Variants in OR51B5 observed in about 807,000 individuals in gnomAD.
OR51B5 encodes the protein olfactory receptor family 51 subfamily B member 5, also known as olfactory receptor 51B5.
For missense variants in OR51B5, 456 were observed against 374.6 expected, an observed-to-expected ratio of 1.22 and a Z score of -1.79; for synonymous variants, 186 against 144.8, an observed-to-expected ratio of 1.28 and a Z score of -2.04.
chr11:5,347,186 G>A (rs937705648), upstream of OR51B5, among the ~76,000 whole-genome samples: 1 of 152,052 alleles, frequency 6.6e-6, no homozygotes, highest in African/African-American at 2.4e-5. Flanking sequence ...ATCACCTCTG[G>A]GAGGTAATTT....
intron 1 of OR51B5, among the ~76,000 whole-genome samples, chr11:5,406,307 T>A (rs906524807): frequency 2.0e-5 from 3 of 152,202 alleles, no homozygotes; most frequent in African/African-American, 7.2e-5. Context: ...CTAGAATGGA[T>A]TTCTTTATAT....
chr11:5,494,626 C>T (rs750590932), intron 1 of OR51B5, among the ~76,000 whole-genome samples: 54 of 152,286 alleles, frequency 3.5e-4, no homozygotes, highest in Non-Finnish European at 7.1e-4. Context: ...TGGAGTGAAA[C>T]AAGCCTGGTT....
chr11:5,457,088 C>T (rs1042500202), intron 1 of OR51B5, among the ~76,000 whole-genome samples: 1 of 152,176 alleles, frequency 6.6e-6, no homozygotes, highest in African/African-American at 2.4e-5. Flanking sequence ...TGAATTAATA[C>T]AGCATAGTAC....
At chr11:5,464,924 T>C (rs1376024792) in intron 1 of OR51B5, among the ~76,000 whole-genome samples, 12 of 152,172 alleles carry the variant, frequency 7.9e-5, no homozygotes, top group Non-Finnish European at 1.8e-4. Context: ...GTGTTCCTAT[T>C]GGCTGGGCGC....
intron 1 of OR51B5, chr11:5,488,601 T>C (rs1851530030): frequency 1.1e-6 from 1 of 894,468 alleles, no homozygotes; most frequent in African/African-American, 1.7e-5. Flanking sequence ...TAAAAAAGAT[T>C]ATTTCACAGA....
chr11:5,468,207 G>C (rs1449931116), intron 1 of OR51B5, among the ~76,000 whole-genome samples: 2 of 152,172 alleles, frequency 1.3e-5, no homozygotes, highest in African/African-American at 4.8e-5. Context: ...GATGTTATTA[G>C]TACATTGGGA....
intron 1 of OR51B5, chr11:5,384,001 A>C (rs1488587864): frequency 6.6e-6 from 1 of 152,198 alleles, no homozygotes; most frequent in East Asian, 1.9e-4. Flanking sequence ...AAAATGAGGG[A>C]AAATGGGAAT....
chr11:5,399,729 C>T (rs1344804762), intron 1 of OR51B5, among the ~76,000 whole-genome samples: 1 of 147,088 alleles, frequency 6.8e-6, no homozygotes, highest in African/African-American at 2.6e-5. Flanking sequence ...CCTTATCTGG[C>T]GGTAGAGACT....
chr11:5,421,331 C>G (rs1850333085), intron 1 of OR51B5, among the ~76,000 whole-genome samples: 1 of 152,194 alleles, frequency 6.6e-6, no homozygotes, highest in African/African-American at 2.4e-5. Context: ...CAGATGGTGA[C>G]GAGGGTACCT....
intron 1 of OR51B5, among the ~76,000 whole-genome samples, chr11:5,499,758 T>C (rs562505075): frequency 2.0e-5 from 3 of 152,118 alleles, no homozygotes; most frequent in Middle Eastern, 3.2e-3. Flanking sequence ...ATGACACAAG[T>C]CTAAACAATC....
intron 1 of OR51B5, among the ~76,000 whole-genome samples, chr11:5,435,817 A>G (rs1850584852): frequency 6.6e-6 from 1 of 152,182 alleles, no homozygotes; most frequent in Non-Finnish European, 1.5e-5. Flanking sequence ...TTCTAACACT[A>G]TTTAGCAGAA....
chr11:5,365,470 T>G (rs1380843567), intron 1 of OR51B5, among the ~76,000 whole-genome samples: 1 of 151,714 alleles, frequency 6.6e-6, no homozygotes, highest in Non-Finnish European at 1.5e-5. Context: ...GGTAACCCAA[T>G]TCTGGTCTGC....
intron 1 of OR51B5, among the ~76,000 whole-genome samples, chr11:5,497,366 C>T (rs416482): frequency 0.99 from 150,325 of 152,238 alleles, 74,248 homozygotes; most frequent in East Asian, 1. Flanking sequence ...GAGCTGAGAT[C>T]GCTCCATTGC....
intron 1 of OR51B5, chr11:5,403,002 C>T (rs1909260): frequency 0.13 from 61,549 of 471,380 alleles, 4,949 homozygotes; most frequent in African/African-American, 0.29. Flanking sequence ...CACTGAGCTA[C>T]ACAGCTATCC....
intron 1 of OR51B5, among the ~76,000 whole-genome samples, chr11:5,464,783 T>G (rs917815292): frequency 8.5e-5 from 13 of 152,188 alleles, no homozygotes; most frequent in Non-Finnish European, 1.8e-4. Flanking sequence ...AAGATTTATA[T>G]TCCTTTGGGT....
intron 1 of OR51B5, among the ~76,000 whole-genome samples, chr11:5,452,976 C>T (rs1850880161): frequency 2.0e-5 from 3 of 152,130 alleles, no homozygotes; most frequent in African/African-American, 4.8e-5. Context: ...CATCCAAGCA[C>T]ACAACATGAT....
chr11:5,463,004 G>A (rs532442561), intron 1 of OR51B5, among the ~76,000 whole-genome samples: 1 of 152,332 alleles, frequency 6.6e-6, no homozygotes, highest in Admixed American at 6.5e-5. Context: ...TAAGCAAATA[G>A]TAACTCGACA....
chr11:5,478,759 G>C (rs879014209), intron 1 of OR51B5, among the ~76,000 whole-genome samples: 3,132 of 150,094 alleles, frequency 0.021, 128 homozygotes, highest in African/African-American at 0.074. Flanking sequence ...GAAAGGGTAT[G>C]AGCAATGGAA....
intron 1 of OR51B5, among the ~76,000 whole-genome samples, chr11:5,382,296 T>TA (rs1226522627): frequency 6.6e-6 from 1 of 152,212 alleles, no homozygotes; most frequent in East Asian, 1.9e-4. Context: ...TTTTTGGAAA[T>TA]ACCTTTCTAT....
Sources: gnomAD v4.1 joint callset for allele counts (sites outside exome capture counted in the v4.1 genomes callset) on GRCh38, gnomAD v4.1.1 for gene constraint, MANE v1.5 for transcripts, NCBI Gene and HGNC (gene_info 2026-07-23, HGNC 2026-07-21) for gene names.